ROBO2: variants seen among roughly 807,000 people sequenced by gnomAD.
ROBO2 encodes roundabout homolog 2.
In ROBO2, 53 loss-of-function variants were observed where a neutral mutation model predicts 160.8. The observed-to-expected ratio is 0.33, with a 90% confidence interval of 0.26 to 0.41. ROBO2 has a LOEUF of 0.41. ROBO2 is among the 10% of genes least tolerant of loss of function. The pLI is 1.00. For missense variants in ROBO2, 1,577 were observed against 1,722.4 expected (o/e 0.92, Z 1.49); for synonymous variants, 664 against 611.7 (o/e 1.09, Z -1.26).
At chr3:76,274,852 A>T (rs1707827200) in intron 2 of ROBO2, among the ~76,000 whole-genome samples, 1 of 151,022 alleles carries the variant, frequency 6.6e-6, no homozygotes, top group South Asian at 2.1e-4. Context: ...AAAAAAAAAA[A>T]GAATGAAAGG....
intron 2 of ROBO2, among the ~76,000 whole-genome samples, chr3:76,306,051 A>G (rs1046842512): frequency 5.3e-5 from 8 of 152,094 alleles, no homozygotes; most frequent in Non-Finnish European, 1.0e-4. Context: ...CCTTGCTGTG[A>G]CAGCCACAAA....
intron 2 of ROBO2, among the ~76,000 whole-genome samples, chr3:77,104,341 C>T (rs1034627790): frequency 6.6e-6 from 1 of 152,096 alleles, no homozygotes; most frequent in African/African-American, 2.4e-5. Flanking sequence ...ACTATAATAG[C>T]ATCTTTTCCT....
intron 2 of ROBO2, among the ~76,000 whole-genome samples, chr3:76,157,450 G>A (rs1288628545): frequency 2.0e-5 from 3 of 152,128 alleles, no homozygotes; most frequent in East Asian, 1.9e-4. Context: ...GCCACAATGC[G>A]TGTAATCTGT....
chr3:77,270,319 T>C (rs746800683), intron 2 of ROBO2, among the ~76,000 whole-genome samples: 23 of 152,322 alleles, frequency 1.5e-4, no homozygotes, highest in Non-Finnish European at 3.1e-4. Flanking sequence ...TGCCACATTC[T>C]GATATCAACA....
chr3:77,215,414 G>A (rs532069278), intron 2 of ROBO2, among the ~76,000 whole-genome samples: 96 of 152,166 alleles, frequency 6.3e-4, no homozygotes, highest in Middle Eastern at 6.8e-3. Context: ...TTCTCGTGCC[G>A]TGGATTTCAG....
chr3:76,460,259 C>T (rs1039067174), intron 2 of ROBO2, among the ~76,000 whole-genome samples: 3 of 151,732 alleles, frequency 2.0e-5, no homozygotes, highest in Non-Finnish European at 4.4e-5. Context: ...CCTGAAAAAT[C>T]CCATAAATAG....
chr3:77,051,871 G>T (rs995194747), intron 1 of ROBO2, among the ~76,000 whole-genome samples: 1 of 152,138 alleles, frequency 6.6e-6, no homozygotes, highest in African/African-American at 2.4e-5. Flanking sequence ...GAATGAAGTC[G>T]GTTGGATTAG....
At chr3:76,709,600 AG>A in intron 2 of ROBO2, among the ~76,000 whole-genome samples, 1 of 152,268 alleles carries the variant, frequency 6.6e-6, no homozygotes, top group South Asian at 2.1e-4. Context: ...ATGATGCCAT[AG>A]AAAAGGGGTG....
intron 2 of ROBO2, among the ~76,000 whole-genome samples, chr3:77,252,572 C>G (rs931475650): frequency 6.6e-6 from 1 of 151,344 alleles, no homozygotes; most frequent in East Asian, 1.9e-4. Flanking sequence ...CTTTGGGAGG[C>G]CGAGGCGGGC....
intron 2 of ROBO2, among the ~76,000 whole-genome samples, chr3:76,614,215 A>C (rs1247264534): frequency 6.6e-6 from 1 of 152,110 alleles, no homozygotes; most frequent in African/African-American, 2.4e-5. Flanking sequence ...ATCATAAGTG[A>C]TAAAATTATA....
At chr3:76,576,484 C>T (rs1222717330) in intron 2 of ROBO2, among the ~76,000 whole-genome samples, 1 of 152,026 alleles carries the variant, frequency 6.6e-6, no homozygotes, top group African/African-American at 2.4e-5. Flanking sequence ...TCTAGCTCTG[C>T]AAAGCATCCC....
At chr3:76,989,497 T>C (rs181640457) in intron 2 of ROBO2, among the ~76,000 whole-genome samples, 23 of 152,210 alleles carry the variant, frequency 1.5e-4, no homozygotes, top group Admixed American at 1.0e-3. Flanking sequence ...ACTTCTAAGT[T>C]TAAAAAACAT....
intron 2 of ROBO2, among the ~76,000 whole-genome samples, chr3:76,416,086 G>A (rs1424476242): frequency 6.6e-6 from 1 of 151,922 alleles, no homozygotes; most frequent in Non-Finnish European, 1.5e-5. Context: ...TCATACTAAA[G>A]CAATATGTTA....
chr3:76,804,093 T>G (rs1209821878), intron 2 of ROBO2, among the ~76,000 whole-genome samples: 1 of 152,118 alleles, frequency 6.6e-6, no homozygotes, highest in Non-Finnish European at 1.5e-5. Flanking sequence ...CTTGTGTGGG[T>G]GTAGAGGTGA....
chr3:77,512,421 C>T (rs184694030), intron 5 of ROBO2, among the ~76,000 whole-genome samples: 2 of 151,996 alleles, frequency 1.3e-5, no homozygotes, highest in Admixed American at 6.6e-5. Context: ...TTCATAGAAG[C>T]GTGCCTTGAA....
chr3:76,113,607 A>G (rs929443738), intron 2 of ROBO2, among the ~76,000 whole-genome samples: 4 of 152,106 alleles, frequency 2.6e-5, no homozygotes, highest in Admixed American at 1.3e-4. Context: ...TTAAAATTGT[A>G]TTTTCCATCA....
intron 2 of ROBO2, among the ~76,000 whole-genome samples, chr3:76,321,295 T>A (rs919079406): frequency 1.3e-5 from 2 of 152,044 alleles, no homozygotes; most frequent in Non-Finnish European, 2.9e-5. Context: ...GGTGGGCGGA[T>A]CACGAGGTCA....
intron 23 of ROBO2, chr3:77,632,575 A>G: frequency 6.5e-7 from 1 of 1,535,844 alleles, no homozygotes. Context: ...TATCTTTGCC[A>G]GCGGCAGTTT....
chr3:77,585,624 C>T (rs925309868), intron 16 of ROBO2, among the ~76,000 whole-genome samples: 2 of 150,986 alleles, frequency 1.3e-5, no homozygotes, highest in African/African-American at 4.9e-5. Flanking sequence ...TTTTTGTGTA[C>T]ACACACACAC....
Sources: gnomAD v4.1 joint callset for allele counts (sites outside exome capture counted in the v4.1 genomes callset) on GRCh38, gnomAD v4.1.1 for gene constraint, MANE v1.5 for transcripts, NCBI Gene and HGNC (gene_info 2026-07-23, HGNC 2026-07-21) for gene names.